USP7: variants seen among roughly 807,000 people sequenced by gnomAD.
USP7 encodes ubiquitin C-terminal hydrolase 7.
Under a neutral mutation model 162.9 loss-of-function variants are expected in USP7, and 9 were observed. That is an observed-to-expected ratio of 0.06 (90% CI 0.03 to 0.10). USP7 has a LOEUF of 0.10. Ranked by LOEUF, USP7 falls within the 10% of genes least tolerant of loss-of-function variation. USP7 has a pLI of 1.00. For synonymous variants in USP7, 562 were observed against 475.9 expected (o/e 1.18, Z -2.35); for missense variants, 715 against 1,373.7 (o/e 0.52, Z 7.58).
In USP7 at chr16:8,903,355, G is replaced by A. The variant is rs374321309; in HGVS notation, c.1752C>T (p.Tyr584=). ...QFCGHQGNDM[Y]DEEKVKYTVF... Reference sequence around the variant, plus strand: ...CAGTGTATTTCACTTTTTCTTCATCGTACATGTCATTCCCTTGGTGGCCAC... The same window carrying A: ...CAGTGTATTTCACTTTTTCTTCATCATACATGTCATTCCCTTGGTGGCCAC... Residue 584 remains tyrosine, a synonymous_variant, in exon 16 of 31, where the codon TAC becomes TAT. Coordinates refer to ENST00000344836, the MANE Select transcript of USP7 (RefSeq NM_003470.3). The A allele has an allele frequency of 1.2e-5, 19 of 1,613,872 alleles. No individual in the cohort carries two copies. The highest frequency in any genetic ancestry group is 1.7e-5 in the Admixed American group (1 of 60,002).
At chr16:8,919,342 A>T (rs1450124160) in intron 5 of USP7, among the ~76,000 whole-genome samples, 2 of 152,074 alleles carry the variant, frequency 1.3e-5, no homozygotes, top group Non-Finnish European at 2.9e-5. Context: ...ACATTCGCAC[A>T]GCCCTCGAAG....
rs769164213 is a variant in USP7, at chr16:8,910,847, AAAGTC to A, written c.1079-25_1079-21del. ...CAAATACTTTAAAGAGAGAGAGAGAAAAGTCAAGTGCTAAAGCTTCATTTATAATG... is the reference window on the plus strand; with the variant it reads ...CAAATACTTTAAAGAGAGAGAGAGAAAAGTGCTAAAGCTTCATTTATAATG... On this transcript the variant is annotated intron_variant, in intron 10 of 30. Coordinates refer to ENST00000344836, the MANE Select transcript of USP7 (RefSeq NM_003470.3). 59 of 1,590,584 alleles carry A rather than the reference AAAGTC, an allele frequency of 3.7e-5. No individual in the cohort carries two copies. The highest frequency in any genetic ancestry group is 3.4e-4 in the African/African-American group (25 of 74,576).
Position 8,960,729 on chromosome 16 carries a change from C to T in USP7, c.79+2478G>A, listed in dbSNP as rs978307684. 2.0e-5 allele frequency among the ~76,000 whole-genome samples: 3 copies of T among 152,334 alleles called. No individual in the cohort carries two copies. In the South Asian group the frequency reaches 6.2e-4, roughly 32 times the overall value. On this transcript the variant is annotated intron_variant, in intron 1 of 30. Transcript: ENST00000344836. The stretch of plus-strand genomic sequence containing the variant: ...CAACCAGAGTCCACTAAATTCCAGC[C>T]TTCTGGCTTTTTAACAGAAGTGTTC...
At chr16:8,928,803 AAT>A (rs1347031898) in intron 2 of USP7, among the ~76,000 whole-genome samples, 1 of 152,176 alleles carries the variant, frequency 6.6e-6, no homozygotes, top group Non-Finnish European at 1.5e-5. Context: ...ACTGTCTACT[AAT>A]TTAGTGAAAT....
intron 1 of USP7, among the ~76,000 whole-genome samples, chr16:8,959,677 G>T (rs2141269524): frequency 6.6e-6 from 1 of 152,334 alleles, no homozygotes; most frequent in East Asian, 1.9e-4. Flanking sequence ...AGTGCTATTT[G>T]AAAGAATCTT....
rs763719614 is a variant in USP7 at position 8,904,550 on chromosome 16, G to T, written c.1589C>A (p.Ala530Glu). Residue 530 changes from alanine (A) to glutamate (E), a missense_variant, in exon 15 of 31, where the codon GCG (alanine) becomes GAG (glutamate). Coordinates refer to ENST00000344836, the MANE Select transcript of USP7 (RefSeq NM_003470.3). ...CTGAGGAATATCATGGTCGGTGACC[G>T]CCTGTAAAACTTCACCTGCAGGACA... ...RESKLSEVLQ[A>E]VTDHDIPQQL... is the part of the protein sequence containing the mutation. 1.2e-6 allele frequency: 2 copies of T among 1,613,950 alleles called. No homozygotes were observed. The highest frequency in any genetic ancestry group is 1.7e-6 in the Non-Finnish European group (2 of 1,180,004).
intron 3 of USP7, 72 bp from the exon 4 acceptor site, chr16:8,921,367 A>C (rs527869158): frequency 1.5e-4 from 229 of 1,524,458 alleles, no homozygotes; most frequent in Admixed American, 8.1e-4. Context: ...AAGACAGTAA[A>C]CATAGCACAC....
intron 1 of USP7, 39 bp downstream of exon 1, chr16:8,963,168 C>T: frequency 4.3e-6 from 6 of 1,385,002 alleles, no homozygotes; most frequent in East Asian, 3.6e-5. Flanking sequence ...CAATGAAAGG[C>T]GCCCCCCGGC....
chr16:8,912,637 A>C (rs539871016), intron 10 of USP7, among the ~76,000 whole-genome samples: 27 of 152,144 alleles, frequency 1.8e-4, no homozygotes, highest in African/African-American at 6.5e-4. Context: ...AAGCAAAAGC[A>C]TACTAAGAAG....
rs758274961 is a variant in USP7 at position 8,930,315 on chromosome 16, G to A, written c.162C>T (p.Thr54=). 28 of 1,612,636 alleles carry A rather than the reference G, an allele frequency of 1.7e-5. No individual in the cohort carries two copies. Among genetic ancestry groups the A allele is most frequent in the South Asian group, 1.7e-4 (15 of 90,886 alleles). The change falls in exon 2 of 31, where the codon ACC becomes ACT. Residue 54 remains threonine, a synonymous_variant. Coordinates refer to ENST00000344836, the MANE Select transcript of USP7 (RefSeq NM_003470.3). ...TACCATCCTCCATGTCCTCCTCCGC[G>A]GTGTTGTGTCCATCACTCAGGGCCA... The part of the protein sequence containing the change: ...GNVALSDGHN[T]AEEDMEDDTS...
intron 22 of USP7, 126 bp downstream of exon 22, chr16:8,899,478 A>G: frequency 8.2e-7 from 1 of 1,217,156 alleles, no homozygotes; most frequent in Non-Finnish European, 1.1e-6. Context: ...CATCAGTGGG[A>G]GATTTCCTCG....
At chr16:8,941,410 A>AG (rs1899040521) in intron 1 of USP7, among the ~76,000 whole-genome samples, 1 of 152,210 alleles carries the variant, frequency 6.6e-6, no homozygotes, top group South Asian at 2.1e-4. Flanking sequence ...CTTATTCTGT[A>AG]GCCTAATACG....
intron 26 of USP7, among the ~76,000 whole-genome samples, chr16:8,896,435 G>A (rs1281025859): frequency 6.6e-6 from 1 of 152,090 alleles, no homozygotes; most frequent in African/African-American, 2.4e-5. Context: ...AAGAAAGTTT[G>A]GGAACCAAAT....
intron 1 of USP7, among the ~76,000 whole-genome samples, chr16:8,937,241 C>T (rs769922580): frequency 3.3e-4 from 50 of 151,978 alleles, no homozygotes; most frequent in Non-Finnish European, 5.4e-4. Context: ...CACGAAACAA[C>T]GTGTATAAGA....
At chr16:8,901,370 G>A (rs1244088870) in intron 18 of USP7, 136 bp from the exon 19 acceptor site, 13 of 651,912 alleles carry the variant, frequency 2.0e-5, no homozygotes, top group Non-Finnish European at 2.9e-5. Flanking sequence ...TGAAATGACA[G>A]CTTAAGGTAC....
chr16:8,906,767 CATAAAT>C (rs2061867195), intron 12 of USP7, among the ~76,000 whole-genome samples, 185 bp from the exon 13 acceptor site: 3 of 152,126 alleles, frequency 2.0e-5, no homozygotes, highest in Admixed American at 2.0e-4. Flanking sequence ...TCCTAGTCAA[CATAAAT>C]ATACACTATG....
chr16:8,929,352 A>G (rs984909808), intron 2 of USP7: 2 of 396,992 alleles, frequency 5.0e-6, no homozygotes, highest in Non-Finnish European at 1.0e-5. Context: ...CAGCGGGTTT[A>G]GACCACGCCT....
rs1555460978 is a variant in USP7, at chr16:8,894,532, G to GGT, written c.3202+17_3202+18insAC. On this transcript the variant is annotated intron_variant, in intron 30 of 30. Coordinates refer to ENST00000344836, the MANE Select transcript of USP7 (RefSeq NM_003470.3). ...GTCTGAAACCCACACCAGCCCCCGGGGGGGGGAGAACCCTTACCGGGCTGT... is the reference window on the plus strand; with the variant it reads ...GTCTGAAACCCACACCAGCCCCCGGGGTGGGGGGAGAACCCTTACCGGGCTGT... 1 of 1,606,856 alleles carries GGT rather than the reference G, an allele frequency of 6.2e-7. No individual in the cohort carries two copies. The highest frequency in any genetic ancestry group is 8.5e-7 in the Non-Finnish European group (1 of 1,178,078).
intron 1 of USP7, among the ~76,000 whole-genome samples, chr16:8,951,631 A>C (rs1291494085): frequency 6.6e-6 from 1 of 152,212 alleles, no homozygotes; most frequent in African/African-American, 2.4e-5. Context: ...AAAATGCTGT[A>C]ATATCTAACT....
Sources: allele counts gnomAD v4.1 joint callset (sites outside exome capture counted in the v4.1 genomes callset), GRCh38; gene constraint gnomAD v4.1.1; transcripts MANE v1.5; gene names NCBI Gene and HGNC (gene_info 2026-07-23, HGNC 2026-07-21).